The following GPM6A variants were observed in gnomAD, a reference collection of about 807,000 sequenced individuals.
GPM6A encodes the protein neuronal membrane glycoprotein M6-a.
Under a neutral mutation model 32.1 loss-of-function variants are expected in GPM6A, and 7 were observed. The ratio of observed to expected loss-of-function variants is 0.22; its 90% CI spans 0.12 to 0.41. GPM6A has a LOEUF of 0.41. Ranked by LOEUF, GPM6A falls within the 10% of genes least tolerant of loss-of-function variation. The pLI is 1.00. For synonymous variants in GPM6A, 130 were observed against 123.4 expected, an observed-to-expected ratio of 1.05 and a Z score of -0.35; for missense variants, 235 against 347.2, an observed-to-expected ratio of 0.68 and a Z score of 2.57.
At chr4:175,941,875 T>A (rs2126344597) in intron 1 of GPM6A, among the ~76,000 whole-genome samples, 1 of 152,368 alleles carries the variant, frequency 6.6e-6, no homozygotes, top group Admixed American at 6.5e-5. Flanking sequence ...GAATGATTTA[T>A]AATCCTTTGG....
intron 1 of GPM6A, among the ~76,000 whole-genome samples, chr4:175,843,978 G>A (rs1040451861): frequency 1.3e-5 from 2 of 152,106 alleles, no homozygotes; most frequent in Non-Finnish European, 2.9e-5. Flanking sequence ...CTATCTGCAA[G>A]TTCCTCATCC....
intron 1 of GPM6A, among the ~76,000 whole-genome samples, chr4:175,708,259 A>G (rs961321180): frequency 1.3e-5 from 2 of 152,198 alleles, no homozygotes; most frequent in Admixed American, 6.5e-5. Flanking sequence ...ATCAGTTTCA[A>G]TTTCTGATAA....
At chr4:175,781,616 C>G (rs749240393) in intron 1 of GPM6A, among the ~76,000 whole-genome samples, 1 of 152,116 alleles carries the variant, frequency 6.6e-6, no homozygotes. Flanking sequence ...TTCTTTTTGC[C>G]TCTGATTTCC....
At chr4:176,001,663 A>G (rs1377229158) in intron 1 of GPM6A, among the ~76,000 whole-genome samples, 3 of 152,132 alleles carry the variant, frequency 2.0e-5, no homozygotes, top group Admixed American at 1.3e-4. Context: ...ACGCCCTTTT[A>G]ATCACGCTGT....
intron 1 of GPM6A, among the ~76,000 whole-genome samples, chr4:175,939,712 A>G: frequency 6.6e-6 from 1 of 152,236 alleles, no homozygotes; most frequent in East Asian, 1.9e-4. Context: ...TTTGTAATAA[A>G]CTACATATGA....
chr4:175,870,096 A>T (rs1736859481), intron 1 of GPM6A, among the ~76,000 whole-genome samples: 1 of 152,190 alleles, frequency 6.6e-6, no homozygotes, highest in Non-Finnish European at 1.5e-5. Context: ...CTGAATTGCC[A>T]TAGTAGTATA....
intron 1 of GPM6A, among the ~76,000 whole-genome samples, chr4:175,959,745 G>A (rs897281696): frequency 2.6e-5 from 4 of 152,164 alleles, no homozygotes; most frequent in African/African-American, 9.7e-5. Context: ...GAAATTAGTA[G>A]AGTGAAAGGA....
chr4:175,733,408 C>A (rs1461227730), intron 1 of GPM6A, among the ~76,000 whole-genome samples: 1 of 152,116 alleles, frequency 6.6e-6, no homozygotes, highest in African/African-American at 2.4e-5. Context: ...GAGGCTGAGG[C>A]AGGAGAATCA....
intron 1 of GPM6A, among the ~76,000 whole-genome samples, chr4:175,999,501 G>A (rs2126474565): frequency 6.6e-6 from 1 of 151,510 alleles, no homozygotes; most frequent in African/African-American, 2.4e-5. Flanking sequence ...TGCCAAAATT[G>A]CAATTTGCCT....
At chr4:175,956,729 C>A (rs545894951) in intron 1 of GPM6A, among the ~76,000 whole-genome samples, 1 of 151,538 alleles carries the variant, frequency 6.6e-6, no homozygotes, top group African/African-American at 2.4e-5. Flanking sequence ...TTTAAGTATT[C>A]ATTTCAACTG....
At chr4:175,787,068 T>C (rs1372545233) in intron 1 of GPM6A, among the ~76,000 whole-genome samples, 1 of 152,122 alleles carries the variant, frequency 6.6e-6, no homozygotes, top group Non-Finnish European at 1.5e-5. Flanking sequence ...TGTTTTCCTT[T>C]GTTTTTCTAT....
intron 1 of GPM6A, among the ~76,000 whole-genome samples, chr4:175,771,772 G>A (rs1165681253): frequency 6.6e-6 from 1 of 152,104 alleles, no homozygotes; most frequent in East Asian, 1.9e-4. Flanking sequence ...CATGGAGCGA[G>A]CAAATGATGT....
At chr4:175,996,232 C>A (rs903441415) in intron 1 of GPM6A, among the ~76,000 whole-genome samples, 22 of 152,044 alleles carry the variant, frequency 1.4e-4, no homozygotes, top group African/African-American at 4.8e-4. Flanking sequence ...CTAACTTTGC[C>A]AGATAAAAGT....
At chr4:175,697,706 A>G (rs1435956052) in intron 2 of GPM6A, among the ~76,000 whole-genome samples, 1 of 152,180 alleles carries the variant, frequency 6.6e-6, no homozygotes, top group Non-Finnish European at 1.5e-5. Flanking sequence ...ATAAATGAGT[A>G]ACAAAATCTT....
intron 1 of GPM6A, among the ~76,000 whole-genome samples, chr4:175,743,670 GA>G (rs538050409): frequency 1.3e-5 from 2 of 151,590 alleles, no homozygotes; most frequent in Non-Finnish European, 2.9e-5. Context: ...ACAAAAAGTT[GA>G]AAAAATAAAG....
chr4:175,962,131 T>G (rs998882081), intron 1 of GPM6A: 2 of 789,228 alleles, frequency 2.5e-6, no homozygotes, highest in African/African-American at 3.4e-5. Flanking sequence ...CCGGACCCAG[T>G]GACAATGTTA....
intron 1 of GPM6A, among the ~76,000 whole-genome samples, chr4:175,733,144 G>T (rs189321425): frequency 2.7e-4 from 41 of 152,220 alleles, no homozygotes; most frequent in African/African-American, 9.6e-4. Context: ...CAGTCCTTGT[G>T]AAGATGCAAG....
intron 1 of GPM6A, among the ~76,000 whole-genome samples, chr4:175,995,887 T>C (rs897760593): frequency 3.4e-5 from 5 of 147,244 alleles, no homozygotes; most frequent in Non-Finnish European, 7.4e-5. Context: ...ATTCCATTAT[T>C]CTGGTTATGT....
intron 1 of GPM6A, among the ~76,000 whole-genome samples, chr4:175,714,269 T>C (rs925421172): frequency 2.6e-5 from 4 of 152,360 alleles, no homozygotes; most frequent in African/African-American, 9.6e-5. Flanking sequence ...GGAATTACTC[T>C]AAGAAATTTG....
Sources: allele counts gnomAD v4.1 joint callset (sites outside exome capture counted in the v4.1 genomes callset), GRCh38; gene constraint gnomAD v4.1.1; transcripts MANE v1.5; gene names NCBI Gene and HGNC (gene_info 2026-07-23, HGNC 2026-07-21).